The following ZBTB44 variants were observed in gnomAD, a reference collection of about 807,000 sequenced individuals.
ZBTB44 encodes zinc finger and BTB domain containing 44, also known as zinc finger and BTB domain-containing protein 44.
Under a neutral mutation model 54.0 loss-of-function variants are expected in ZBTB44, and 15 were observed. That is an observed-to-expected ratio of 0.28 (90% CI 0.19 to 0.43). The LOEUF (loss-of-function observed/expected upper bound fraction) is 0.43. ZBTB44 is among the 20% of genes least tolerant of loss of function. ZBTB44 has a pLI of 1.00. For synonymous variants in ZBTB44, 230 were observed against 250.1 expected, an observed-to-expected ratio of 0.92 and a Z score of 0.76; for missense variants, 487 against 707.1, an observed-to-expected ratio of 0.69 and a Z score of 3.53.
At chr11:130,257,011 A>G (rs1401105901) in intron 2 of ZBTB44, among the ~76,000 whole-genome samples, 3 of 152,224 alleles carry the variant, frequency 2.0e-5, no homozygotes, top group African/African-American at 4.8e-5. Context: ...ACATAATTGT[A>G]TATTTAGAAA....
chr11:130,238,733 T>C (rs1954222363), intron 3 of ZBTB44, 126 bp from the exon 4 acceptor site: 1 of 1,000,766 alleles, frequency 1.0e-6, no homozygotes, highest in East Asian at 2.9e-5. Flanking sequence ...GTTTAACTGT[T>C]AGACTTCAAG....
At chr11:130,303,720 C>G (rs1942110121) in intron 1 of ZBTB44, among the ~76,000 whole-genome samples, 1 of 151,876 alleles carries the variant, frequency 6.6e-6, no homozygotes, top group Non-Finnish European at 1.5e-5. Flanking sequence ...ATAGCAATAT[C>G]CTGAAGTAAA....
intron 1 of ZBTB44, among the ~76,000 whole-genome samples, chr11:130,282,319 T>A (rs1407435803): frequency 6.6e-6 from 1 of 152,216 alleles, no homozygotes; most frequent in Non-Finnish European, 1.5e-5. Context: ...CCCATCCCCA[T>A]GTTCCTGTAG....
At chr11:130,304,368 A>G (rs1942154558) in intron 1 of ZBTB44, among the ~76,000 whole-genome samples, 1 of 152,250 alleles carries the variant, frequency 6.6e-6, no homozygotes, top group African/African-American at 2.4e-5. Flanking sequence ...GAAATTTGAT[A>G]TATGAAATAT....
At chr11:130,262,163 A>G (rs1427956634) in intron 1 of ZBTB44, among the ~76,000 whole-genome samples, 1 of 152,140 alleles carries the variant, frequency 6.6e-6, no homozygotes, top group Non-Finnish European at 1.5e-5. Context: ...TTTTTGAGAC[A>G]GAGTCTTGCT....
At chr11:130,296,366 C>A in intron 1 of ZBTB44, 1 of 1,534,506 alleles carries the variant, frequency 6.5e-7, no homozygotes. Context: ...CCGTGAAATA[C>A]CACTATGAGT....
chr11:130,287,399 T>C (rs540373094), intron 1 of ZBTB44, among the ~76,000 whole-genome samples: 22 of 152,352 alleles, frequency 1.4e-4, no homozygotes, highest in Non-Finnish European at 2.6e-4. Flanking sequence ...TGTGTGGTCA[T>C]GTAAGTCTTA....
intron 1 of ZBTB44, among the ~76,000 whole-genome samples, chr11:130,291,917 A>T (rs1941320679): frequency 6.6e-6 from 1 of 152,202 alleles, no homozygotes; most frequent in Admixed American, 6.5e-5. Flanking sequence ...AATTTCTGTA[A>T]GTTTCTTTGC....
chr11:130,290,082 T>C (rs1344029874), intron 1 of ZBTB44, among the ~76,000 whole-genome samples: 1 of 152,196 alleles, frequency 6.6e-6, no homozygotes, highest in African/African-American at 2.4e-5. Flanking sequence ...TATCCCAGAT[T>C]ACCCAGGTGG....
chr11:130,308,843 A>C (rs1429913522), intron 1 of ZBTB44, among the ~76,000 whole-genome samples: 1 of 152,200 alleles, frequency 6.6e-6, no homozygotes, highest in Non-Finnish European at 1.5e-5. Context: ...TAATGGAACT[A>C]GATGTTCACT....
intron 1 of ZBTB44, among the ~76,000 whole-genome samples, chr11:130,276,431 CT>C (rs1004293725): frequency 4.9e-5 from 7 of 142,798 alleles, no homozygotes; most frequent in South Asian, 2.2e-4. Flanking sequence ...CTATACGTTT[CT>C]TTTTTTTTTC....
Position 130,258,857 on chromosome 11 carries a change from T to C in ZBTB44, c.1018+1999A>G, listed in dbSNP as rs781550024. 7.9e-5 allele frequency among the ~76,000 whole-genome samples: 12 copies of C among 152,228 alleles called. No homozygotes were observed. In the East Asian group the frequency reaches 1.2e-3, roughly 15 times the overall value. On this transcript the variant is annotated intron_variant, in intron 2 of 7. Coordinates refer to ENST00000357899, the MANE Select transcript of ZBTB44 (RefSeq NM_001301098.2). Reference sequence around the variant, plus strand: ...CAAGTTGCCTAGGCCACTGATTATATTGCAGATTCACTGTACCAGCCCTGG... The same window carrying C: ...CAAGTTGCCTAGGCCACTGATTATACTGCAGATTCACTGTACCAGCCCTGG...
At chr11:130,264,393 T>C (rs1198105876) in intron 1 of ZBTB44, among the ~76,000 whole-genome samples, 2 of 152,192 alleles carry the variant, frequency 1.3e-5, no homozygotes, top group African/African-American at 4.8e-5. Context: ...ACTCTTCAAC[T>C]GCAGGCCTGT....
rs997801506 is a variant in ZBTB44, at chr11:130,228,056, A to C, written c.*3708T>G. On this transcript the variant is annotated 3_prime_UTR_variant, in exon 8 of 8. Transcript: ENST00000357899. ...AAAATGGCTTTTGAAAAGATAGTAGAGGCACAAAGAAGCCATATACTATCC... is the reference window on the plus strand; with the variant it reads ...AAAATGGCTTTTGAAAAGATAGTAGCGGCACAAAGAAGCCATATACTATCC... The C allele has an allele frequency of 6.6e-6, 1 of 152,246 alleles. No individual in the cohort carries two copies. Among genetic ancestry groups the C allele is most frequent in the African/African-American group, 2.4e-5 (1 of 41,470 alleles). The allele number at this position is 152,246 out of a possible 1,614,324, so 9.4% of individuals were successfully genotyped here. A position where few individuals can be genotyped will look rare whatever the true frequency, so the allele number is the denominator to read the frequency against.
intron 1 of ZBTB44, among the ~76,000 whole-genome samples, chr11:130,307,172 C>T (rs904567482): frequency 2.6e-5 from 4 of 152,000 alleles, no homozygotes; most frequent in African/African-American, 9.7e-5. Flanking sequence ...CGCTTGTAAT[C>T]CCAGCACTTT....
intron 2 of ZBTB44, among the ~76,000 whole-genome samples, chr11:130,249,912 C>T (rs967228665): frequency 6.6e-6 from 1 of 152,160 alleles, no homozygotes; most frequent in East Asian, 1.9e-4. Flanking sequence ...GAACCATTCA[C>T]AGAACCTTTG....
intron 2 of ZBTB44, among the ~76,000 whole-genome samples, chr11:130,252,359 C>T (rs911052033): frequency 6.6e-6 from 1 of 152,106 alleles, no homozygotes; most frequent in Non-Finnish European, 1.5e-5. Context: ...CAATATTAGA[C>T]AGATCAACGA....
intron 7 of ZBTB44, 154 bp downstream of exon 7, chr11:130,233,154 G>A (rs1203323519): frequency 7.0e-5 from 62 of 884,286 alleles, no homozygotes; most frequent in Non-Finnish European, 8.3e-5. Flanking sequence ...ATGGCAGCAC[G>A]CCAATATATG....
chr11:130,239,132 G>C (rs1954243911), intron 3 of ZBTB44: 2 of 152,670 alleles, frequency 1.3e-5, no homozygotes, highest in African/African-American at 2.4e-5. Flanking sequence ...AGGACTTAAG[G>C]ATTAACTACG....
Sources: gnomAD v4.1 joint callset for allele counts (sites outside exome capture counted in the v4.1 genomes callset) on GRCh38, gnomAD v4.1.1 for gene constraint, MANE v1.5 for transcripts, NCBI Gene and HGNC (gene_info 2026-07-23, HGNC 2026-07-21) for gene names.